PSMA5: variants seen among roughly 807,000 people sequenced by gnomAD.
The protein encoded by PSMA5 is proteasome subunit alpha type-5.
A neutral mutation model predicts 34.5 loss-of-function variants in PSMA5; 3 were observed. That is an observed-to-expected ratio of 0.09 (90% CI 0.04 to 0.22). The LOEUF (loss-of-function observed/expected upper bound fraction) is 0.22, where lower values mean the gene tolerates loss of function less well. Among genes scored for constraint, PSMA5 ranks in the 10% least tolerant of loss-of-function variants. The probability of loss-of-function intolerance (pLI) is 1.00; values close to 1 mark genes in which losing one functional copy is unlikely to be tolerated. For missense variants in PSMA5, 120 were observed against 286.1 expected (o/e 0.42, Z 4.19); for synonymous variants, 88 against 95.8 (o/e 0.92, Z 0.47).
At chr1:109,404,943 C>G (rs1283781208) in intron 8 of PSMA5, among the ~76,000 whole-genome samples, 1 of 152,174 alleles carries the variant, frequency 6.6e-6, no homozygotes, top group African/African-American at 2.4e-5. Context: ...CAGGGAGAAG[C>G]AACTTTTGAG....
chr1:109,400,294 T>G lies in PSMA5; in HGVS notation c.*1719A>C, dbSNP rs1000806544. On this transcript the variant is annotated 3_prime_UTR_variant, in exon 9 of 9. Transcript: ENST00000271308. ...AAGCAACATGGGCTTTATCCATTTC[T>G]GCATTAACCTAGAGTTAAAAAGGAA... 4 of 152,218 alleles carry G rather than the reference T, an allele frequency of 2.6e-5. No individual in the cohort carries two copies. Among genetic ancestry groups the G allele is most frequent in the Non-Finnish European group, 2.9e-5 (2 of 68,036 alleles). The allele number at this position is 152,218 out of a possible 1,614,324, so 9.4% of individuals were successfully genotyped here. A position where few individuals can be genotyped will look rare whatever the true frequency, so the allele number is the denominator to read the frequency against.
chr1:109,415,382 T>C lies in PSMA5; in HGVS notation c.97-19A>G, dbSNP rs1359304115. ...AACCAAGCTAAAGAGAAACATGTTA[T>C]GATTACCATATATAGGTCAAATAAC... On this transcript the variant is annotated intron_variant, in intron 2 of 8. Transcript: ENST00000271308. 3.1e-6 allele frequency: 5 copies of C among 1,609,428 alleles called. No individual in the cohort carries two copies. The highest frequency in any genetic ancestry group is 4.2e-6 in the Non-Finnish European group (5 of 1,177,354).
At chr1:109,423,611 T>C (rs1372539273) in intron 1 of PSMA5, among the ~76,000 whole-genome samples, 1 of 152,208 alleles carries the variant, frequency 6.6e-6, no homozygotes, top group Non-Finnish European at 1.5e-5. Context: ...CCATTCCAAT[T>C]TCAGTTTTAA....
At chr1:109,412,028 C>CTTATGTCA in intron 5 of PSMA5, 49 bp downstream of exon 5, 1 of 1,588,320 alleles carries the variant, frequency 6.3e-7, no homozygotes, top group Non-Finnish European at 8.6e-7. Flanking sequence ...GACAAATGTC[C>CTTATGTCA]TAAGTCCCAT....
At chr1:109,414,780 T>C (rs903078130) in intron 3 of PSMA5, 1 of 152,890 alleles carries the variant, frequency 6.5e-6, no homozygotes, top group African/African-American at 2.4e-5. Flanking sequence ...CCAAATAAAA[T>C]GCCATTCTAT....
chr1:109,402,145 C>T, intron 8 of PSMA5, 55 bp from the exon 9 acceptor site: 1 of 1,319,938 alleles, frequency 7.6e-7, no homozygotes, highest in East Asian at 2.4e-5. Context: ...TGCTGATGGC[C>T]CTACCATGGT....
intron 4 of PSMA5, 79 bp from the exon 5 acceptor site, chr1:109,412,263 T>C: frequency 8.4e-7 from 1 of 1,190,516 alleles, no homozygotes; most frequent in Non-Finnish European, 1.2e-6. Context: ...GCACATCCCT[T>C]TAAACTGGGA....
At chr1:109,404,721 G>A (rs1210263829) in intron 8 of PSMA5, among the ~76,000 whole-genome samples, 1 of 152,162 alleles carries the variant, frequency 6.6e-6, no homozygotes, top group Non-Finnish European at 1.5e-5. Flanking sequence ...TATGAGGCAG[G>A]TAGAACAGAT....
Position 109,413,098 on chromosome 1 carries a change from A to G in PSMA5, c.261T>C (p.Thr87=), listed in dbSNP as rs569145241. The change falls in exon 4 of 9, where the codon ACT becomes ACC. Residue 87 remains threonine, a synonymous_variant. Coordinates refer to ENST00000271308, the MANE Select transcript of PSMA5 (RefSeq NM_002790.4). ...AMSGLIADAK[T]LIDKARVETQ... is the part of the protein sequence containing the mutation. ...TCTCCACTCTGGCTTTATCAATTAA[A>G]GTCTTAGCATCAGCAATTAGCCCAC... 106 of 1,613,754 alleles carry G rather than the reference A, an allele frequency of 6.6e-5. 2 individuals are homozygous for G. In the Middle Eastern group the frequency reaches 1.2e-3, roughly 18 times the overall value.
chr1:109,412,795 T>G, intron 4 of PSMA5: 1 of 309,210 alleles, frequency 3.2e-6, no homozygotes, highest in Non-Finnish European at 5.9e-6. Flanking sequence ...ACAAAGTCAA[T>G]TAGGAAACAA....
chr1:109,414,197 C>CT (rs1156715959), intron 3 of PSMA5, among the ~76,000 whole-genome samples: 1 of 152,202 alleles, frequency 6.6e-6, no homozygotes, highest in Non-Finnish European at 1.5e-5. Flanking sequence ...TCTATTCCCC[C>CT]TGACTAGAAT....
In PSMA5 at chr1:109,403,300, C is replaced by T. The variant is rs181617238; in HGVS notation, c.649-1210G>A. On this transcript the variant is annotated intron_variant, in intron 8 of 8. Coordinates refer to ENST00000271308, the MANE Select transcript of PSMA5 (RefSeq NM_002790.4). ...AGATTTGTGTTTTACATGTCATTTC[C>T]TCATAGTGTCTTTTTTCTTCAATTT... Among the ~76,000 whole-genome samples, 22 of 152,178 alleles carry T rather than the reference C, an allele frequency of 1.4e-4. No individual in the cohort carries two copies. In the East Asian group the frequency reaches 3.3e-3, roughly 23 times the overall value.
rs1375176912 is a variant in PSMA5, at chr1:109,415,353, G to A, written c.107C>T (p.Thr36Ile). Residue 36 changes from threonine (T) to isoleucine (I), a missense_variant, in exon 3 of 9, where the codon ACA becomes ATA. By Grantham distance (89) the Thr-to-Ile change is moderately conservative. Coordinates refer to ENST00000271308, the MANE Select transcript of PSMA5 (RefSeq NM_002790.4). ...CTCTGATGTCTGGATCCCAATGGCT[G>A]TAGAACCAAGCTAAAGAGAAACATG... Reference protein sequence around the residue: ...YAIEAIKLGSTAIGIQTSEGV... With the variant: ...YAIEAIKLGSIAIGIQTSEGV... 6.2e-7 allele frequency: 1 copy of A among 1,612,398 alleles called. No individual in the cohort carries two copies. Among genetic ancestry groups the A allele is most frequent in the Non-Finnish European group, 8.5e-7 (1 of 1,179,160 alleles).
At chr1:109,407,003 G>A (rs933705959) in intron 8 of PSMA5, among the ~76,000 whole-genome samples, 13 of 152,038 alleles carry the variant, frequency 8.6e-5, no homozygotes, top group African/African-American at 2.7e-4. Flanking sequence ...TATATATTTT[G>A]AGACAGTCTC....
Position 109,415,316 on chromosome 1 carries a change from T to G in PSMA5, c.144A>C (p.Leu48=). The G allele has an allele frequency of 6.2e-7, 1 of 1,614,062 alleles. No homozygotes were observed. Reference sequence around the variant, plus strand: ...GGGAAGTAATTCTCTTCTCCACAGCTAGGCACACACCCTCTGATGTCTGGA... The same window carrying G: ...GGGAAGTAATTCTCTTCTCCACAGCGAGGCACACACCCTCTGATGTCTGGA... ...IGIQTSEGVC[L]AVEKRITSPL... is the part of the protein sequence containing the mutation. The change falls in exon 3 of 9, where the codon CTA becomes CTC. Residue 48 remains leucine (L), a synonymous_variant. Transcript: ENST00000271308.
At chr1:109,425,607 T>G (rs1452346927) in intron 1 of PSMA5, 1 of 152,208 alleles carries the variant, frequency 6.6e-6, no homozygotes, top group African/African-American at 2.4e-5. Flanking sequence ...TGTAAAAACT[T>G]AACTGACGAA....
chr1:109,403,235 C>T (rs991026629), intron 8 of PSMA5, among the ~76,000 whole-genome samples: 3 of 152,264 alleles, frequency 2.0e-5, no homozygotes, highest in African/African-American at 7.2e-5. Flanking sequence ...CAGTTTTGGG[C>T]AATACTGAGC....
At chr1:109,412,301 TTC>T in intron 4 of PSMA5, 117 bp from the exon 5 acceptor site, 1 of 814,820 alleles carries the variant, frequency 1.2e-6, no homozygotes, top group Non-Finnish European at 2.0e-6. Context: ...AAATGTGGTT[TTC>T]TTAATTAACA....
At chr1:109,406,266 A>G (rs1324690048) in intron 8 of PSMA5, among the ~76,000 whole-genome samples, 1 of 152,226 alleles carries the variant, frequency 6.6e-6, no homozygotes, top group Non-Finnish European at 1.5e-5. Flanking sequence ...GGAGTAAATG[A>G]GAGGTGAAGC....
Sources: allele counts gnomAD v4.1 joint callset (sites outside exome capture counted in the v4.1 genomes callset), GRCh38; gene constraint gnomAD v4.1.1; transcripts MANE v1.5; gene names NCBI Gene and HGNC (gene_info 2026-07-23, HGNC 2026-07-21).